The following AATK variants were observed in gnomAD, a reference collection of about 807,000 sequenced individuals.
AATK encodes the protein serine/threonine-protein kinase LMTK1.
In AATK, 91 loss-of-function variants were observed where a neutral mutation model predicts 114.3. The ratio of observed to expected loss-of-function variants is 0.80; its 90% CI spans 0.67 to 0.95. The LOEUF (loss-of-function observed/expected upper bound fraction) is 0.95, where lower values mean the gene tolerates loss of function less well. Among genes scored for constraint, AATK ranks in the 40% least tolerant of loss-of-function variants. AATK has a pLI of 0.00. For synonymous variants in AATK, 1,075 were observed against 916.5 expected (o/e 1.17, Z -3.12); for missense variants, 2,176 against 1,965.2 (o/e 1.11, Z -2.03).
chr17:81,128,533 G>A lies in AATK; in HGVS notation c.351C>T (p.Ser117=), dbSNP rs1568228753. The part of the protein sequence containing the change: ...QPGRSVQLLK[S]TDVGRHSLLY... ...GGAGGCTGTGCCGGCCCACGTCTGT[G>A]GACTTGAGGAGCTGCACTGTAACCA... Residue 117 remains serine, a synonymous_variant, in exon 4 of 14, where the codon TCC becomes TCT. Transcript: ENST00000326724. 6.5e-7 allele frequency: 1 copy of A among 1,549,194 alleles called. No individual in the cohort carries two copies. The highest frequency in any genetic ancestry group is 8.7e-7 in the Non-Finnish European group (1 of 1,146,874).
At position 81,119,540 on chromosome 17, in the gene AATK, C is replaced by T. The variant is rs371950770; in HGVS notation, c.3924G>A (p.Thr1308=). The change falls in exon 13 of 14, where the codon ACG becomes ACA. Residue 1308 remains threonine, a synonymous_variant. Coordinates refer to ENST00000326724, the MANE Select transcript of AATK (RefSeq NM_001080395.3). The stretch of plus-strand genomic sequence containing the variant: ...GGGCCATGGCGAAGGCTGCCTTGGC[C>T]GTCATCAGCGGGAAGTCGTCGTCCC... ...FAWDDDFPLM[T]AKAAFAMALD... is the part of the protein sequence containing the mutation. The T allele has an allele frequency of 5.7e-6, 9 of 1,580,140 alleles. No individual in the cohort carries two copies. The highest frequency in any genetic ancestry group is 1.8e-5 in the Admixed American group (1 of 56,396).
rs541960591 is a variant in AATK at position 81,154,612 on chromosome 17, C to T, written c.55+11326G>A. Among the ~76,000 whole-genome samples the T allele has an allele frequency of 1.1e-3, 155 of 142,954 alleles. 26 individuals are homozygous for T. Among genetic ancestry groups the T allele is most frequent in the African/African-American group, 4.2e-3 (146 of 34,934 alleles). 93.8% of individuals were successfully genotyped at this position (142,954 alleles called of 152,430 possible). ...GGAATTACAGGCGTGAACCACCACA[C>T]CCAGCCTTTCCTACTATTTTATTTA... On this transcript the variant is annotated intron_variant, in intron 1 of 13. Transcript: ENST00000326724.
chr17:81,126,496 G>T lies in AATK; in HGVS notation c.686C>A (p.Thr229Asn). Residue 229 changes from threonine to asparagine, a missense_variant, in exon 7 of 14, where the codon ACC (threonine) becomes AAC (asparagine). Thr to Asn is a moderately conservative substitution (Grantham distance 65). This residue lies in a region of AATK where 273 missense variants were observed against 344.1 expected (regional missense o/e 0.79). Transcript: ENST00000326724. This position sits in a 1 kb window ranked among gnomAD's most constrained non-coding sequence, Gnocchi z 5.1. ...CACCTCACAGGCCATGCGCTGCAGG[G>T]TCCGGGGGTCGGGAGCCATGGACTC... ...VAESMAPDPR[T>N]LQRMACEVAC... 6.4e-7 allele frequency: 1 copy of T among 1,552,274 alleles called. No individual in the cohort carries two copies. Among genetic ancestry groups the T allele is most frequent in the Non-Finnish European group, 8.7e-7 (1 of 1,147,916 alleles).
intron 9 of AATK, among the ~76,000 whole-genome samples, chr17:81,124,337 A>T (rs2060760708): frequency 6.6e-6 from 1 of 152,066 alleles, no homozygotes; most frequent in African/African-American, 2.4e-5. Flanking sequence ...GCCGTGGGAG[A>T]TCCCAGCACC....
In AATK at chr17:81,119,594, C is replaced by A. The variant is rs1198894430; in HGVS notation, c.3884-14G>T. The A allele has an allele frequency of 1.9e-6, 3 of 1,547,884 alleles. No homozygotes were observed. Among genetic ancestry groups the A allele is most frequent in the Non-Finnish European group, 2.6e-6 (3 of 1,148,644 alleles). Reference sequence around the variant, plus strand: ...CGAACCCACCACCTGCAGCCCAGGTCGCGGCGTCACTCGCGCTCACAGCCT... The same window carrying A: ...CGAACCCACCACCTGCAGCCCAGGTAGCGGCGTCACTCGCGCTCACAGCCT... On this transcript the variant is annotated splice_polypyrimidine_tract_variant and intron_variant, in intron 12 of 13. Coordinates refer to ENST00000326724, the MANE Select transcript of AATK (RefSeq NM_001080395.3).
chr17:81,156,236 C>G (rs182540306), intron 1 of AATK, among the ~76,000 whole-genome samples: 1 of 150,160 alleles, frequency 6.7e-6, no homozygotes, highest in South Asian at 2.1e-4. Flanking sequence ...ATGTATGTTA[C>G]TATGTTACAA....
chr17:81,165,674 C>T (rs2061479419), intron 1 of AATK: 3 of 1,510,054 alleles, frequency 2.0e-6, no homozygotes, highest in Non-Finnish European at 2.7e-6. Flanking sequence ...CCTCCGTGCC[C>T]CAGTTACCTG....
intron 11 of AATK, 28 bp from the exon 12 acceptor site, chr17:81,120,111 C>T: frequency 1.4e-6 from 2 of 1,465,702 alleles, no homozygotes; most frequent in Non-Finnish European, 1.8e-6. Context: ...CACCAGGTAG[C>T]TCGGCCGCCA....
chr17:81,164,861 A>C (rs753049534), intron 1 of AATK, among the ~76,000 whole-genome samples: 52 of 152,308 alleles, frequency 3.4e-4, no homozygotes, highest in Non-Finnish European at 6.2e-4. Flanking sequence ...AGTGACACCC[A>C]CAGCCCTAAG....
chr17:81,155,161 C>T (rs1378911728), intron 1 of AATK, among the ~76,000 whole-genome samples: 1 of 152,174 alleles, frequency 6.6e-6, no homozygotes, highest in Non-Finnish European at 1.5e-5. Flanking sequence ...ATGTCCTGTT[C>T]GTACATTCGC....
chr17:81,144,842 G>T (rs912785293), intron 1 of AATK, among the ~76,000 whole-genome samples: 1 of 152,332 alleles, frequency 6.6e-6, no homozygotes, highest in African/African-American at 2.4e-5. Flanking sequence ...TGCCCTTCCA[G>T]CGTCAAAAGC....
At chr17:81,128,731 T>A in intron 3 of AATK, 182 bp from the exon 4 acceptor site, 1 of 1,413,092 alleles carries the variant, frequency 7.1e-7, no homozygotes, top group Non-Finnish European at 9.2e-7. Context: ...CAGGGGCCGC[T>A]GCTTCCCAGA....
At chr17:81,139,169 CTG>C (rs2061084906) in intron 1 of AATK, among the ~76,000 whole-genome samples, 2 of 152,244 alleles carry the variant, frequency 1.3e-5, no homozygotes, top group Non-Finnish European at 1.5e-5. Context: ...AGTACGAAAA[CTG>C]AGGCTCAGTG....
chr17:81,128,994 G>A, intron 3 of AATK: 1 of 929,638 alleles, frequency 1.1e-6, no homozygotes, highest in East Asian at 7.2e-5. Context: ...CTCCTTTGTT[G>A]GGGGCTGCTT....
At chr17:81,135,531 C>T (rs889804946) in intron 1 of AATK, among the ~76,000 whole-genome samples, 1 of 152,156 alleles carries the variant, frequency 6.6e-6, no homozygotes, top group Admixed American at 6.5e-5. Context: ...CAACACCCCT[C>T]AACACCCCAT....
chr17:81,150,638 C>T (rs1372122779), intron 1 of AATK, among the ~76,000 whole-genome samples: 2 of 152,052 alleles, frequency 1.3e-5, no homozygotes, highest in Non-Finnish European at 2.9e-5. Flanking sequence ...ATTCCTCATC[C>T]AATGTCTCTG....
rs879806922 is a variant in AATK, at chr17:81,119,179, GA to G, written c.4084+200del. ...GGTGAGGGTCAGGTGAGGGTCAGGT[GA>G]GGGTCAGGTGAGGGCCAGGCGAGGG... On this transcript the variant is annotated intron_variant, in intron 13 of 13. Transcript: ENST00000326724. 7.2e-3 allele frequency among the ~76,000 whole-genome samples: 933 copies of G among 129,316 alleles called. 3 individuals are homozygous for G. Among genetic ancestry groups the G allele is most frequent in the South Asian group, 0.017 (60 of 3,592 alleles). 84.8% of individuals were successfully genotyped at this position (129,316 alleles called of 152,430 possible).
chr17:81,119,673 AT>A (rs2060666764), intron 12 of AATK, 93 bp from the exon 13 acceptor site: 5 of 596,262 alleles, frequency 8.4e-6, no homozygotes, highest in South Asian at 3.3e-5. Context: ...CCCGCCTCCC[AT>A]CATGTCACGG....
chr17:81,153,919 A>C (rs1028449756), intron 1 of AATK, among the ~76,000 whole-genome samples: 5 of 151,996 alleles, frequency 3.3e-5, no homozygotes, highest in African/African-American at 1.2e-4. Context: ...AAAAATACAA[A>C]AATTAACCCA....
Sources: gnomAD v4.1 joint callset for allele counts (sites outside exome capture counted in the v4.1 genomes callset) on GRCh38, gnomAD v4.1.1 for gene constraint, gnomAD v4.1.1 regional missense constraint, Gnocchi (gnomAD v3.1) non-coding constraint, MANE v1.5 for transcripts, NCBI Gene and HGNC (gene_info 2026-07-23, HGNC 2026-07-21) for gene names.